KIF13A: variants seen among roughly 807,000 people sequenced by gnomAD.
KIF13A encodes kinesin-like protein KIF13A.
In KIF13A, 79 loss-of-function variants were observed where a neutral mutation model predicts 212.2. The ratio of observed to expected loss-of-function variants is 0.37; its 90% CI spans 0.31 to 0.45. The LOEUF is 0.45. Among genes scored for constraint, KIF13A ranks in the 20% least tolerant of loss-of-function variants. The pLI, the probability that KIF13A is intolerant of heterozygous loss-of-function variation, is 1.00. For missense variants in KIF13A, 1,901 were observed against 2,209.0 expected, an observed-to-expected ratio of 0.86 and a Z score of 2.79; for synonymous variants, 789 against 808.6, an observed-to-expected ratio of 0.98 and a Z score of 0.41.
chr6:17,873,867 T>C (rs1770246910), intron 3 of KIF13A, among the ~76,000 whole-genome samples: 1 of 152,198 alleles, frequency 6.6e-6, no homozygotes. Context: ...ACTGGGATTA[T>C]AGGTGTGAGC....
chr6:17,982,597 G>A lies in KIF13A; in HGVS notation c.146+4457C>T, dbSNP rs1386208331. ...CTAAAAACTTTCATGCTCTTCTACC[G>A]AGAGCCCATATTTAGCCCAACATTT... On this transcript the variant is annotated intron_variant, in intron 2 of 38. Transcript: ENST00000259711. The surrounding 1 kb of genome is among the most constrained non-coding windows in gnomAD (Gnocchi z 5.1). 4.6e-5 allele frequency among the ~76,000 whole-genome samples: 7 copies of A among 152,068 alleles called. No homozygotes were observed. The highest frequency in any genetic ancestry group is 1.9e-4 in the East Asian group (1 of 5,190).
At position 17,833,969 on chromosome 6, in the gene KIF13A, T is replaced by G; in HGVS notation, c.1258A>C (p.Ile420Leu). ...WEEKLRKTEE[I>L]AQERQRQLES... is the part of the protein sequence containing the mutation. The stretch of plus-strand genomic sequence containing the variant: ...CTAAATTATCAAGCTACCTGTGCTA[T>G]CTCTTCTGTTTTTCTCAGCTTCTCT... Residue 420 changes from isoleucine to leucine, a missense_variant, in exon 12 of 39, where the codon ATA becomes CTA. This residue lies in a region of KIF13A where 506 missense variants were observed against 637.4 expected (regional missense o/e 0.79). Coordinates refer to ENST00000259711, the MANE Select transcript of KIF13A (RefSeq NM_022113.6). The G allele has an allele frequency of 6.4e-7, 1 of 1,555,380 alleles. No individual in the cohort carries two copies. Among genetic ancestry groups the G allele is most frequent in the Admixed American group, 2.0e-5 (1 of 50,404 alleles).
chr6:17,901,511 C>T (rs192582301), intron 2 of KIF13A, among the ~76,000 whole-genome samples: 1 of 152,272 alleles, frequency 6.6e-6, no homozygotes, highest in African/African-American at 2.4e-5. Context: ...TCACCAGCAG[C>T]CAACTGAGCA....
chr6:17,777,363 A>G lies in KIF13A; in HGVS notation c.4093-9T>C, dbSNP rs1202196421. The stretch of plus-strand genomic sequence containing the variant: ...TCTTTGACTGTGACGGCCTGTAAAC[A>G]TAATAATTTGAAAATAACACTTTTT... On this transcript the variant is annotated splice_polypyrimidine_tract_variant and intron_variant, in intron 33 of 38. Transcript: ENST00000259711. This position sits in a 1 kb window ranked among gnomAD's most constrained non-coding sequence, Gnocchi z 4.4. 4 of 1,602,580 alleles carry G rather than the reference A, an allele frequency of 2.5e-6. No homozygotes were observed. The highest frequency in any genetic ancestry group is 3.4e-6 in the Non-Finnish European group (4 of 1,174,284).
At position 17,826,113 on chromosome 6, in the gene KIF13A, T is replaced by G; in HGVS notation, c.1544A>C (p.Asn515Thr). 1 of 1,613,884 alleles carries G rather than the reference T, an allele frequency of 6.2e-7. No individual in the cohort carries two copies. Among genetic ancestry groups the G allele is most frequent in the Non-Finnish European group, 8.5e-7 (1 of 1,179,822 alleles). ...GGTGGTACTGCACACAAGGGTGCCG[T>G]TCACACAGGACCTGGGAGAACACGA... ...TPKENARSCV[N>T]GTLVCSTTQL... Residue 515 changes from asparagine (N) to threonine (T), a missense_variant, in exon 15 of 39, where the codon AAC becomes ACC. Coordinates refer to ENST00000259711, the MANE Select transcript of KIF13A (RefSeq NM_022113.6). The surrounding 1 kb of genome is among the most constrained non-coding windows in gnomAD (Gnocchi z 4.7).
rs145216592 is a variant in KIF13A, at chr6:17,937,223, C to T, written c.147-39043G>A. ...CATAAATGGAAAGGAAGTCTGGAGT[C>T]GGGAGTAACCAACCAACCCTTTCAA... is the stretch of plus-strand genomic sequence containing the variant. On this transcript the variant is annotated intron_variant, in intron 2 of 38. Transcript: ENST00000259711. Among the ~76,000 whole-genome samples the T allele has an allele frequency of 6.9e-3, 1,051 of 152,236 alleles. 9 individuals carry two copies. Among genetic ancestry groups the T allele is most frequent in the African/African-American group, 0.024 (993 of 41,532 alleles).
intron 25 of KIF13A, among the ~76,000 whole-genome samples, chr6:17,792,260 A>C (rs1179198913): frequency 6.6e-6 from 1 of 151,950 alleles, no homozygotes; most frequent in Non-Finnish European, 1.5e-5. Flanking sequence ...AAATGAGAAC[A>C]TTTAGTTAGT....
intron 4 of KIF13A, among the ~76,000 whole-genome samples, chr6:17,860,771 A>T (rs1403533205): frequency 1.3e-5 from 2 of 152,158 alleles, no homozygotes; most frequent in African/African-American, 4.8e-5. Flanking sequence ...TAAATGTTTA[A>T]TTGTATTAGT....
Position 17,783,880 on chromosome 6 carries a change from C to T in KIF13A, c.3489-179G>A, listed in dbSNP as rs777941797. 1.2e-4 allele frequency among the ~76,000 whole-genome samples: 19 copies of T among 152,118 alleles called. No individual in the cohort carries two copies. The highest frequency in any genetic ancestry group is 1.8e-4 in the Non-Finnish European group (12 of 68,026). On this transcript the variant is annotated intron_variant, in intron 28 of 38. Coordinates refer to ENST00000259711, the MANE Select transcript of KIF13A (RefSeq NM_022113.6). The surrounding 1 kb of genome is among the most constrained non-coding windows in gnomAD (Gnocchi z 4.3). ...GACATAAATCATGGGAATTATATGACTTACATAAAAGAACTTCCAGTTATA... is the reference window on the plus strand; with the variant it reads ...GACATAAATCATGGGAATTATATGATTTACATAAAAGAACTTCCAGTTATA...
intron 3 of KIF13A, among the ~76,000 whole-genome samples, chr6:17,894,001 G>A (rs182420874): frequency 9.1e-4 from 138 of 151,592 alleles, no homozygotes; most frequent in African/African-American, 3.1e-3. Context: ...CACCACACCC[G>A]GCTAATTTTT....
intron 12 of KIF13A, among the ~76,000 whole-genome samples, chr6:17,832,468 C>T (rs896706407): frequency 2.0e-5 from 3 of 151,716 alleles, no homozygotes; most frequent in African/African-American, 7.3e-5. Context: ...GAATCCCTGA[C>T]TCTACCAAAA....
chr6:17,827,381 G>A (rs919913606), intron 14 of KIF13A, among the ~76,000 whole-genome samples: 2 of 152,148 alleles, frequency 1.3e-5, no homozygotes, highest in Non-Finnish European at 2.9e-5. Context: ...ACAGGTGTGA[G>A]CCACTGTTCC....
chr6:17,927,239 A>G (rs547778862), intron 2 of KIF13A, among the ~76,000 whole-genome samples: 1 of 152,354 alleles, frequency 6.6e-6, no homozygotes, highest in African/African-American at 2.4e-5. Context: ...AGGATTACTG[A>G]CAACAGTCAA....
intron 2 of KIF13A, among the ~76,000 whole-genome samples, chr6:17,917,235 CTTTTTTTTTTTTT>C (rs71002284): frequency 3.8e-5 from 3 of 79,098 alleles, no homozygotes; most frequent in African/African-American, 1.6e-4. Context: ...TTACACGATT[CTTTTTTTTTTTTT>C]TTTTTTTTTT....
At chr6:17,881,441 G>GT (rs1390484232) in intron 3 of KIF13A, 9 of 417,806 alleles carry the variant, frequency 2.2e-5, no homozygotes, top group African/African-American at 1.7e-4. Context: ...TCAATTTACA[G>GT]TTAAAAAAAA....
chr6:17,877,171 T>A (rs1770644820), intron 3 of KIF13A, among the ~76,000 whole-genome samples: 1 of 150,112 alleles, frequency 6.7e-6, no homozygotes, highest in Admixed American at 6.7e-5. Context: ...AAAGACTAAG[T>A]TATGTTCTGA....
intron 3 of KIF13A, among the ~76,000 whole-genome samples, chr6:17,891,052 A>G (rs1462497619): frequency 6.6e-6 from 1 of 152,104 alleles, no homozygotes; most frequent in Non-Finnish European, 1.5e-5. Flanking sequence ...AGACACTCCA[A>G]TCCTACAAAT....
At chr6:17,864,832 C>A (rs1425372074) in intron 4 of KIF13A, among the ~76,000 whole-genome samples, 2 of 152,222 alleles carry the variant, frequency 1.3e-5, no homozygotes, top group Admixed American at 1.3e-4. Context: ...GGTGTCCACA[C>A]TTGTGCATAA....
At chr6:17,762,342 A>G (rs1403783133), downstream of KIF13A, among the ~76,000 whole-genome samples, 1 of 151,700 alleles carries the variant, frequency 6.6e-6, no homozygotes, top group Non-Finnish European at 1.5e-5. Flanking sequence ...CCTCCCGAGT[A>G]GCTGGGACTA....
Sources: gnomAD v4.1 joint callset for allele counts (sites outside exome capture counted in the v4.1 genomes callset) on GRCh38, gnomAD v4.1.1 for gene constraint, gnomAD v4.1.1 regional missense constraint, Gnocchi (gnomAD v3.1) non-coding constraint, MANE v1.5 for transcripts, NCBI Gene and HGNC (gene_info 2026-07-23, HGNC 2026-07-21) for gene names.